The following SHISA9 variants were observed in gnomAD, a reference collection of about 807,000 sequenced individuals.
SHISA9 encodes the protein shisa family member 9, also known as protein shisa-9.
Under a neutral mutation model 38.0 loss-of-function variants are expected in SHISA9, and 13 were observed. The observed-to-expected ratio is 0.34, with a 90% CI of 0.22 to 0.54. The LOEUF is 0.54. Ranked by LOEUF, SHISA9 falls within the 20% of genes least tolerant of loss-of-function variation. The pLI, the probability that SHISA9 is intolerant of heterozygous loss-of-function variation, is 0.91. For synonymous variants in SHISA9, 275 were observed against 242.0 expected (o/e 1.14, Z -1.27); for missense variants, 538 against 575.8 (o/e 0.93, Z 0.67).
the SHISA9 span, among the ~76,000 whole-genome samples, chr16:13,432,046 G>A: frequency 6.6e-6 from 1 of 152,194 alleles, no homozygotes; most frequent in Non-Finnish European, 1.5e-5. Flanking sequence ...GGTTGACAGA[G>A]TGGGACTTCA....
chr16:12,990,352 T>A (rs964031871), intron 2 of SHISA9, among the ~76,000 whole-genome samples: 1 of 152,216 alleles, frequency 6.6e-6, no homozygotes, highest in Non-Finnish European at 1.5e-5. Context: ...CTTTGAGGAA[T>A]CACCACACTG....
chr16:13,160,478 G>T (rs2050585528), intron 2 of SHISA9, among the ~76,000 whole-genome samples: 1 of 152,152 alleles, frequency 6.6e-6, no homozygotes, highest in South Asian at 2.1e-4. Context: ...AGGTGGCCCT[G>T]GTCCCTTTGA....
chr16:13,213,844 G>C (rs1344243742), intron 4 of SHISA9, among the ~76,000 whole-genome samples: 1 of 152,220 alleles, frequency 6.6e-6, no homozygotes, highest in East Asian at 1.9e-4. Context: ...GACCAGACCA[G>C]GTGGCAGCTA....
At position 13,235,124 on chromosome 16, in the gene SHISA9, G is replaced by A; in HGVS notation, c.990G>A (p.Glu330=). 6.4e-7 allele frequency: 1 copy of A among 1,551,682 alleles called. No homozygotes were observed. The highest frequency in any genetic ancestry group is 1.2e-5 in the South Asian group (1 of 84,062). ...GNLPLHPVRV[E]DEPRAFSPEH... is the part of the protein sequence containing the mutation. ...TACCTCTGCACCCCGTAAGAGTGGA[G>A]GACGAGCCCCGGGCCTTCAGCCCTG... Residue 330 remains glutamate, a synonymous_variant, in exon 5 of 5, where the codon GAG becomes GAA. Transcript: ENST00000558583.
intron 2 of SHISA9, among the ~76,000 whole-genome samples, chr16:12,948,753 G>A (rs1247809872): frequency 6.6e-6 from 1 of 152,160 alleles, no homozygotes; most frequent in African/African-American, 2.4e-5. Context: ...TCACTATGGG[G>A]CCTAGAATTT....
chr16:13,434,425 T>TTTTTTTTTGTTTGTTTTG, the SHISA9 span, among the ~76,000 whole-genome samples: 1 of 132,324 alleles, frequency 7.6e-6, no homozygotes, highest in Non-Finnish European at 1.6e-5. Flanking sequence ...CTATGTTTTT[T>TTTTTTTTTGTTTGTTTTG]TTTTTTTTTT....
chr16:13,356,703 AG>A, the SHISA9 span, among the ~76,000 whole-genome samples: 2 of 152,050 alleles, frequency 1.3e-5, no homozygotes, highest in African/African-American at 4.8e-5. Flanking sequence ...GTTGGTTCTG[AG>A]GGGACAGGTG....
the SHISA9 span, among the ~76,000 whole-genome samples, chr16:13,396,243 A>T: frequency 2.6e-5 from 4 of 152,216 alleles, no homozygotes; most frequent in African/African-American, 9.6e-5. Flanking sequence ...GCAATGGCTC[A>T]CGCCTGTAAT....
chr16:12,933,215 C>T (rs548048412), intron 2 of SHISA9, among the ~76,000 whole-genome samples: 5 of 152,148 alleles, frequency 3.3e-5, no homozygotes, highest in African/African-American at 7.2e-5. Context: ...TTCCCTGCAT[C>T]GAGTCAGACC....
chr16:13,387,536 CT>C, the SHISA9 span, among the ~76,000 whole-genome samples: 1 of 151,396 alleles, frequency 6.6e-6, no homozygotes, highest in Non-Finnish European at 1.5e-5. Context: ...TGCCACCAGG[CT>C]GGAGAGCAGT....
intron 2 of SHISA9, among the ~76,000 whole-genome samples, chr16:13,197,140 T>C (rs2050953496): frequency 1.8e-5 from 2 of 114,032 alleles, no homozygotes; most frequent in African/African-American, 3.4e-5. Context: ...CACACACATA[T>C]ATGTGTATAT....
intron 2 of SHISA9, among the ~76,000 whole-genome samples, chr16:13,043,893 C>T (rs959029449): frequency 1.3e-5 from 2 of 152,204 alleles, no homozygotes; most frequent in African/African-American, 2.4e-5. Context: ...CCATGGCTCA[C>T]TTCTCTGCTT....
the SHISA9 span, among the ~76,000 whole-genome samples, chr16:13,321,604 A>G: frequency 3.9e-4 from 59 of 152,224 alleles, no homozygotes; most frequent in Non-Finnish European, 7.6e-4. Context: ...CTGATTGTAA[A>G]GGCTGAGGGA....
rs143198613 is a variant in SHISA9, at chr16:13,044,671, T to C, written c.691+127856T>C. On this transcript the variant is annotated intron_variant, in intron 2 of 4. Coordinates refer to ENST00000558583, the MANE Select transcript of SHISA9 (RefSeq NM_001145204.3). ...GTTGCAGAAGGATCCAGGCAGAGGC[T>C]ATAGAATGTATGAAGGCTCCGAGGT... Among the ~76,000 whole-genome samples, 395 of 152,270 alleles carry C rather than the reference T, an allele frequency of 2.6e-3. 3 individuals are homozygous for C. Among genetic ancestry groups the C allele is most frequent in the African/African-American group, 8.8e-3 (367 of 41,546 alleles).
At chr16:13,406,694 T>A in the SHISA9 span, among the ~76,000 whole-genome samples, 1 of 152,170 alleles carries the variant, frequency 6.6e-6, no homozygotes. Context: ...CATTAGGATT[T>A]TCTGACCTCA....
intron 2 of SHISA9, among the ~76,000 whole-genome samples, chr16:13,019,909 TTC>T (rs1476184667): frequency 4.3e-5 from 3 of 70,094 alleles, no homozygotes; most frequent in African/African-American, 1.4e-4. Flanking sequence ...CTTTCTTTCT[TTC>T]TTTCTTTCTT....
chr16:13,263,782 T>C, the SHISA9 span, among the ~76,000 whole-genome samples: 1 of 152,200 alleles, frequency 6.6e-6, no homozygotes, highest in Non-Finnish European at 1.5e-5. Context: ...AGTATAGTTA[T>C]GTAAGATGCC....
chr16:13,149,261 G>A (rs542214461), intron 2 of SHISA9, among the ~76,000 whole-genome samples: 1 of 152,296 alleles, frequency 6.6e-6, no homozygotes, highest in South Asian at 2.1e-4. Flanking sequence ...AAAGGGCTGG[G>A]ACTCCAGCTG....
chr16:13,302,160 G>A, the SHISA9 span, among the ~76,000 whole-genome samples: 1 of 152,140 alleles, frequency 6.6e-6, no homozygotes, highest in African/African-American at 2.4e-5. Flanking sequence ...TGTCATGGTG[G>A]TTAAAGGGAA....
Sources: gnomAD v4.1 joint callset for allele counts (sites outside exome capture counted in the v4.1 genomes callset) on GRCh38, gnomAD v4.1.1 for gene constraint, MANE v1.5 for transcripts, NCBI Gene and HGNC (gene_info 2026-07-23, HGNC 2026-07-21) for gene names.